VNN2: variants seen among roughly 807,000 people sequenced by gnomAD.
The protein encoded by VNN2 is vanin 2.
In VNN2, 43 loss-of-function variants were observed where a neutral mutation model predicts 43.0. That is an observed-to-expected ratio of 1.00 (90% CI 0.78 to 1.29). VNN2 has a LOEUF of 1.29. Among genes scored for constraint, VNN2 ranks in the 50% most tolerant of loss-of-function variants. The probability of loss-of-function intolerance (pLI) is 0.00; values close to 1 mark genes in which losing one functional copy is unlikely to be tolerated. For missense variants in VNN2, 652 were observed against 619.7 expected (o/e 1.05, Z -0.55); for synonymous variants, 230 against 224.3 (o/e 1.03, Z -0.23).
Position 132,751,325 on chromosome 6 carries a change from A to G in VNN2, c.1020T>C (p.Phe340=), listed in dbSNP as rs987742175. The G allele has an allele frequency of 2.5e-6, 4 of 1,614,200 alleles. No homozygotes were observed. Among genetic ancestry groups the G allele is most frequent in the Middle Eastern group, 1.6e-4 (1 of 6,062 alleles). ...TGAAGTTGAACCCATCCCTGGAAAT[A>G]AATCCCCTGAAAGTGTTTTTCTGTA... is the stretch of plus-strand genomic sequence containing the variant. ...FPVQKNTFRG[F]ISRDGFNFTE... Residue 340 remains phenylalanine (F), a synonymous_variant, in exon 5 of 7, where the codon TTT becomes TTC. Transcript: ENST00000326499.
Position 132,749,746 on chromosome 6 carries a change from A to G in VNN2, c.1320T>C (p.Val440=), listed in dbSNP as rs1189908166. The G allele has an allele frequency of 6.2e-7, 1 of 1,613,822 alleles. No individual in the cohort carries two copies. The highest frequency in any genetic ancestry group is 8.5e-7 in the Non-Finnish European group (1 of 1,179,942). ...SLSGTFGTEY[V]FPEVLLTEIH... ...TTTCGGTAAGTAGCACTTCAGGAAA[A>G]ACATACTCTGTTCCAAATGTGCCAC... Residue 440 remains valine, a synonymous_variant, in exon 6 of 7, where the codon GTT becomes GTC. Transcript: ENST00000326499.
chr6:132,754,851 C>T (rs1398031309), intron 3 of VNN2, among the ~76,000 whole-genome samples: 1 of 152,158 alleles, frequency 6.6e-6, no homozygotes. Context: ...AATTTTGAAA[C>T]ATCTTTCTAC....
chr6:132,751,056 A>G (rs890692235), intron 5 of VNN2, 89 bp downstream of exon 5: 8 of 1,505,464 alleles, frequency 5.3e-6, no homozygotes, highest in Non-Finnish European at 7.1e-6. Flanking sequence ...CAAGCCAAGG[A>G]AAAGCACCTG....
intron 6 of VNN2, among the ~76,000 whole-genome samples, chr6:132,746,038 C>T (rs1779695836): frequency 6.6e-6 from 1 of 152,206 alleles, no homozygotes; most frequent in Non-Finnish European, 1.5e-5. Context: ...TCTTCACATG[C>T]ATTATCATAT....
chr6:132,753,423 A>G, intron 3 of VNN2: 3 of 438,534 alleles, frequency 6.8e-6, no homozygotes, highest in East Asian at 1.4e-4. Flanking sequence ...AATACCTGTA[A>G]GTCAGGTGAG....
Position 132,749,687 on chromosome 6 carries a change from C to T in VNN2, c.1371+8G>A, listed in dbSNP as rs756171495. ...AAAATGAAAATACTCTTATAAAAGTCCTCTTACCTCAAATTTTCCAGGTGA... is the reference window on the plus strand; with the variant it reads ...AAAATGAAAATACTCTTATAAAAGTTCTCTTACCTCAAATTTTCCAGGTGA... On this transcript the variant is annotated splice_region_variant and intron_variant, in intron 6 of 6. Transcript: ENST00000326499. 5 of 1,609,152 alleles carry T rather than the reference C, an allele frequency of 3.1e-6. No homozygotes were observed. In the South Asian group the frequency reaches 4.4e-5, roughly 14 times the overall value.
chr6:132,754,419 T>C (rs1780331449), intron 3 of VNN2, among the ~76,000 whole-genome samples: 1 of 152,188 alleles, frequency 6.6e-6, no homozygotes, highest in Admixed American at 6.5e-5. Context: ...AGGACTTATG[T>C]TAACGATTTT....
chr6:132,748,198 T>G (rs1200243345), intron 6 of VNN2, among the ~76,000 whole-genome samples: 1 of 152,184 alleles, frequency 6.6e-6, no homozygotes, highest in African/African-American at 2.4e-5. Context: ...AGATAGATAT[T>G]TATGTCAGTC....
At chr6:132,752,818 C>T in intron 3 of VNN2, 69 bp from the exon 4 acceptor site, 1 of 1,520,350 alleles carries the variant, frequency 6.6e-7, no homozygotes, top group Non-Finnish European at 8.8e-7. Context: ...TAAAAACCCT[C>T]TAAGTTGGTA....
upstream of VNN2, among the ~76,000 whole-genome samples, chr6:132,759,811 G>A (rs148934395): frequency 1.5e-3 from 232 of 152,296 alleles, no homozygotes; most frequent in South Asian, 3.3e-3. Context: ...AGGAAAAATG[G>A]TCAAGCCCTT....
intron 6 of VNN2, among the ~76,000 whole-genome samples, chr6:132,745,845 T>C (rs145440097): frequency 3.3e-5 from 5 of 151,876 alleles, no homozygotes; most frequent in Middle Eastern, 3.4e-3. Context: ...AGAACAAGAA[T>C]AAAAGAAAAT....
rs749479445 is a variant in VNN2 at position 132,744,479 on chromosome 6, C to T, written c.1384G>A (p.Gly462Arg). 1 of 1,577,440 alleles carries T rather than the reference C, an allele frequency of 6.3e-7. No homozygotes were observed. Among genetic ancestry groups the T allele is most frequent in the African/African-American group, 1.4e-5 (1 of 72,866 alleles). ...SPGKFEVLKD[G>R]RLVNKNGSSG... ...GATCCATTCTTGTTTACCAAACGCCCATCTTTCAGCACCTAAAGAAAAGGT... is the reference window on the plus strand; with the variant it reads ...GATCCATTCTTGTTTACCAAACGCCTATCTTTCAGCACCTAAAGAAAAGGT... Residue 462 changes from glycine to arginine, a missense_variant, in exon 7 of 7, where the codon GGG (glycine) becomes AGG (arginine). Gly to Arg is a moderately radical substitution (Grantham distance 125). Transcript: ENST00000326499.
Position 132,745,760 on chromosome 6 carries a change from G to T in VNN2, c.1372-1269C>A, listed in dbSNP as rs148523748. Among the ~76,000 whole-genome samples the T allele has an allele frequency of 3.3e-5, 5 of 152,296 alleles. No homozygotes were observed. In the East Asian group the frequency reaches 9.6e-4, roughly 29 times the overall value. ...AGATCTAGCCTGAAGCCACAGTGGA[G>T]TTTTCATAAGAGAGGAATATGTACA... On this transcript the variant is annotated intron_variant, in intron 6 of 6. Transcript: ENST00000326499.
chr6:132,763,408 A>T (rs2114650050), exon 1 of VNN2: 1 of 151,950 alleles, frequency 6.6e-6, no homozygotes. Context: ...GGAGCCTTCC[A>T]CTCCTCTGGA....
At chr6:132,754,075 C>T (rs1226520457) in intron 3 of VNN2, 1 of 151,928 alleles carries the variant, frequency 6.6e-6, no homozygotes, top group Non-Finnish European at 1.5e-5. Context: ...AGAGTGAGAG[C>T]CTTTCAACTT....
chr6:132,752,417 G>A, intron 4 of VNN2, 44 bp downstream of exon 4: 1 of 1,557,396 alleles, frequency 6.4e-7, no homozygotes, highest in Non-Finnish European at 8.7e-7. Flanking sequence ...TCATTTCTCT[G>A]CACTTAAAAA....
At chr6:132,744,919 GA>G (rs143447195) in intron 6 of VNN2, among the ~76,000 whole-genome samples, 7 of 149,096 alleles carry the variant, frequency 4.7e-5, no homozygotes, top group African/African-American at 1.5e-4. Flanking sequence ...GGAGGTCTGA[GA>G]AAAAAAAAAC....
upstream of VNN2, chr6:132,758,028 TTCTTCTTCTTC>T (rs1359649096): frequency 4.5e-4 from 53 of 116,846 alleles, 1 homozygote; most frequent in Admixed American, 1.7e-3. Context: ...CTTCTTCTTC[TTCTTCTTCTTC>T]TTTTTTTTTT....
Position 132,755,948 on chromosome 6 carries a change from C to T in VNN2, c.432G>A (p.Lys144=), listed in dbSNP as rs1297448177. Residue 144 remains lysine (K), a synonymous_variant, in exon 3 of 7, where the codon AAG becomes AAA. Transcript: ENST00000326499. The part of the protein sequence containing the change: ...IYVLANLGDK[K]PCNSRDSTCP... ...ATGTGGAGTCACGGGAATTACATGG[C>T]TTTTTGTCCCCCAAATTTGCCAAGA... The T allele has an allele frequency of 1.9e-6, 3 of 1,614,022 alleles. No homozygotes were observed. The highest frequency in any genetic ancestry group is 1.7e-5 in the Admixed American group (1 of 60,016).
Sources: allele counts gnomAD v4.1 joint callset (sites outside exome capture counted in the v4.1 genomes callset), GRCh38; gene constraint gnomAD v4.1.1; transcripts MANE v1.5; gene names NCBI Gene and HGNC (gene_info 2026-07-23, HGNC 2026-07-21).